NEDD4: variants seen among roughly 807,000 people sequenced by gnomAD.
The protein encoded by NEDD4 is E3 ubiquitin-protein ligase NEDD4.
Under a neutral mutation model 144.9 loss-of-function variants are expected in NEDD4, and 99 were observed. The ratio of observed to expected loss-of-function variants is 0.68; its 90% CI spans 0.58 to 0.81. NEDD4 has a LOEUF of 0.81. Among genes scored for constraint, NEDD4 ranks in the 30% least tolerant of loss-of-function variants. NEDD4 has a pLI of 0.00. For missense variants in NEDD4, 985 were observed against 1,065.9 expected (o/e 0.92, Z 1.06); for synonymous variants, 318 against 350.6 (o/e 0.91, Z 1.04).
chr15:55,957,196 C>T (rs549791836), intron 2 of NEDD4, among the ~76,000 whole-genome samples: 5 of 152,254 alleles, frequency 3.3e-5, no homozygotes, highest in Admixed American at 6.5e-5. Flanking sequence ...GTAGTTTTTT[C>T]TGTAGATTCC....
chr15:55,969,094 T>C (rs2037565713), intron 1 of NEDD4, among the ~76,000 whole-genome samples: 1 of 152,056 alleles, frequency 6.6e-6, no homozygotes, highest in Non-Finnish European at 1.5e-5. Flanking sequence ...GGCAGTGCAG[T>C]GTGGTGGCTG....
intron 1 of NEDD4, among the ~76,000 whole-genome samples, chr15:55,974,966 C>A (rs2142345150): frequency 7.1e-6 from 1 of 141,166 alleles, no homozygotes; most frequent in East Asian, 2.2e-4. Flanking sequence ...GATCTCAGCT[C>A]ACTGCAACCT....
intron 5 of NEDD4, among the ~76,000 whole-genome samples, chr15:55,905,774 C>T (rs1192217608): frequency 6.6e-6 from 1 of 152,126 alleles, no homozygotes; most frequent in African/African-American, 2.4e-5. Context: ...TGGATATTAG[C>T]TCTTTGTCAG....
rs1462019412 is a variant in NEDD4 at position 55,834,092 on chromosome 15, T to C, written c.2376A>G (p.Thr792=). 4 of 1,613,612 alleles carry C rather than the reference T, an allele frequency of 2.5e-6. No individual in the cohort carries two copies. Among genetic ancestry groups the C allele is most frequent in the South Asian group, 2.2e-5 (2 of 91,086 alleles). ...DVDVNDWREH[T]KYKNGYSANH... The stretch of plus-strand genomic sequence containing the variant: ...TTGCACTGTAGCCATTTTTATACTT[T>C]GTATGTTCCCTCCAGTCATTCACAT... Residue 792 remains threonine (T), a synonymous_variant, in exon 26 of 29, where the codon ACA becomes ACG. Transcript: ENST00000435532.
rs1372055349 is a variant in NEDD4, at chr15:55,984,940, G to A, written c.45+8571C>T. Among the ~76,000 whole-genome samples, 4 of 152,344 alleles carry A rather than the reference G, an allele frequency of 2.6e-5. No homozygotes were observed. The East Asian group carries it at 7.7e-4, about 29-fold the overall frequency. ...GGAGTAGATAACCATGATAGATTGA[G>A]AAGCAATTGTGTTCAACTGGTTCCT... On this transcript the variant is annotated intron_variant, in intron 1 of 28. Coordinates refer to ENST00000435532, the MANE Select transcript of NEDD4 (RefSeq NM_006154.4).
intron 14 of NEDD4, among the ~76,000 whole-genome samples, chr15:55,849,942 G>C (rs935028442): frequency 1.3e-5 from 2 of 151,670 alleles, no homozygotes; most frequent in African/African-American, 2.4e-5. Context: ...ACAGGCACCC[G>C]CCACCATGCC....
intron 1 of NEDD4, among the ~76,000 whole-genome samples, chr15:55,982,025 A>G (rs2037812389): frequency 6.6e-6 from 1 of 152,232 alleles, no homozygotes; most frequent in South Asian, 2.1e-4. Context: ...TTTTATACAC[A>G]AAGTATCACT....
At chr15:55,892,118 T>C (rs895622466) in intron 5 of NEDD4, among the ~76,000 whole-genome samples, 11 of 151,600 alleles carry the variant, frequency 7.3e-5, no homozygotes, top group Non-Finnish European at 1.3e-4. Context: ...ATACAAAAAT[T>C]AGCCAGGCGT....
chr15:55,837,178 C>T (rs564015857), intron 24 of NEDD4, among the ~76,000 whole-genome samples: 1 of 152,120 alleles, frequency 6.6e-6, no homozygotes, highest in East Asian at 1.9e-4. Context: ...ACTGGTAACC[C>T]CAGCACTTTG....
chr15:55,848,198 C>T (rs557483122), intron 17 of NEDD4, among the ~76,000 whole-genome samples, 174 bp downstream of exon 17: 98 of 152,260 alleles, frequency 6.4e-4, no homozygotes, highest in African/African-American at 2.3e-3. Flanking sequence ...AGGATAATGA[C>T]GTTATAGAAT....
At chr15:55,852,959 AG>A (rs1265353755) in intron 12 of NEDD4, among the ~76,000 whole-genome samples, 1 of 151,984 alleles carries the variant, frequency 6.6e-6, no homozygotes, top group Non-Finnish European at 1.5e-5. Flanking sequence ...CATATTGGCC[AG>A]GCTGGTCTCG....
chr15:55,982,391 T>C (rs1331015349), intron 1 of NEDD4, among the ~76,000 whole-genome samples: 1 of 152,110 alleles, frequency 6.6e-6, no homozygotes, highest in African/African-American at 2.4e-5. Flanking sequence ...CGAAGGAGAA[T>C]GGATATATTC....
At chr15:55,902,609 T>G (rs2035946619) in intron 5 of NEDD4, among the ~76,000 whole-genome samples, 3 of 152,202 alleles carry the variant, frequency 2.0e-5, no homozygotes, top group Non-Finnish European at 4.4e-5. Flanking sequence ...TCTTTCTACT[T>G]TTGTGTATGT....
At chr15:55,885,591 C>A (rs1279521673) in intron 5 of NEDD4, among the ~76,000 whole-genome samples, 1 of 151,976 alleles carries the variant, frequency 6.6e-6, no homozygotes, top group African/African-American at 2.4e-5. Flanking sequence ...TGGCTTGTTA[C>A]TTTGTTTATG....
chr15:55,950,982 G>C (rs574590446), intron 4 of NEDD4, among the ~76,000 whole-genome samples: 1 of 152,268 alleles, frequency 6.6e-6, no homozygotes, highest in Admixed American at 6.5e-5. Flanking sequence ...TGAGGCAGAT[G>C]GGGTGGAAAG....
At chr15:55,951,316 C>T in intron 4 of NEDD4, 60 bp downstream of exon 4, 1 of 707,548 alleles carries the variant, frequency 1.4e-6, no homozygotes, top group Non-Finnish European at 2.3e-6. Flanking sequence ...ATTTATCATT[C>T]TAACCTCCTA....
chr15:55,842,985 G>C (rs1399871804), intron 18 of NEDD4, among the ~76,000 whole-genome samples: 2 of 152,194 alleles, frequency 1.3e-5, no homozygotes, highest in African/African-American at 2.4e-5. Flanking sequence ...GAAGAACCTG[G>C]TGGGAGGTGA....
chr15:55,924,833 C>T (rs1206846331), intron 4 of NEDD4, 134 bp from the exon 5 acceptor site: 12 of 776,412 alleles, frequency 1.5e-5, no homozygotes, highest in African/African-American at 7.0e-5. Context: ...TTTGGGAGGC[C>T]GAGGTGGGTG....
chr15:55,841,544 T>A (rs559344144), intron 19 of NEDD4, among the ~76,000 whole-genome samples: 3 of 152,286 alleles, frequency 2.0e-5, no homozygotes, highest in South Asian at 4.1e-4. Context: ...ACAATGTGAA[T>A]GTATGTAATG....
Sources: allele counts gnomAD v4.1 joint callset (sites outside exome capture counted in the v4.1 genomes callset), GRCh38; gene constraint gnomAD v4.1.1; transcripts MANE v1.5; gene names NCBI Gene and HGNC (gene_info 2026-07-23, HGNC 2026-07-21).